Variants in IGSF5 observed in about 807,000 individuals in gnomAD.
The protein encoded by IGSF5 is immunoglobulin superfamily 5 like.
In IGSF5, 41 loss-of-function variants were observed where a neutral mutation model predicts 39.4. The observed-to-expected ratio is 1.04, with a 90% CI of 0.81 to 1.35. The LOEUF (loss-of-function observed/expected upper bound fraction) is 1.35. IGSF5 is among the 40% of genes most tolerant of loss of function. The pLI is 0.00. For synonymous variants in IGSF5, 183 were observed against 175.3 expected (o/e 1.04, Z -0.34); for missense variants, 487 against 494.6 (o/e 0.98, Z 0.15).
intron 5 of IGSF5, among the ~76,000 whole-genome samples, chr21:39,780,705 C>A (rs190124586): frequency 2.0e-5 from 3 of 152,256 alleles, no homozygotes; most frequent in Admixed American, 2.0e-4. Context: ...AAAGCAGTAG[C>A]CTTGCTTGCG....
chr21:39,745,959 A>G (rs424447), intron 1 of IGSF5, among the ~76,000 whole-genome samples: 124,498 of 152,048 alleles, frequency 0.82, 51,141 homozygotes, highest in Admixed American at 0.86. Flanking sequence ...GATGGTGGTG[A>G]GCCACTTCCA....
At chr21:39,738,914 A>G in the IGSF5 span, among the ~76,000 whole-genome samples, 5 of 151,458 alleles carry the variant, frequency 3.3e-5, no homozygotes, top group Non-Finnish European at 2.9e-5. The surrounding 1 kb of genome is among the most constrained non-coding windows in gnomAD (Gnocchi z 6.4). Flanking sequence ...TTGAGACAGG[A>G]TCTCACTCTT....
At chr21:39,775,164 G>A (rs1370524383) in intron 4 of IGSF5, among the ~76,000 whole-genome samples, 1 of 152,128 alleles carries the variant, frequency 6.6e-6, no homozygotes, top group African/African-American at 2.4e-5. Flanking sequence ...CTAAGGCCTA[G>A]CCTTCCCCTC....
intron 6 of IGSF5, among the ~76,000 whole-genome samples, chr21:39,789,487 G>C (rs1030004032): frequency 6.6e-6 from 1 of 152,046 alleles, no homozygotes; most frequent in African/African-American, 2.4e-5. Context: ...AGCTCCAGAG[G>C]GATAATGGGG....
chr21:39,790,385 C>T (rs74384448), intron 6 of IGSF5, among the ~76,000 whole-genome samples: 13,311 of 152,228 alleles, frequency 0.087, 623 homozygotes, highest in South Asian at 0.16. Flanking sequence ...TCTGGCCAGG[C>T]GTGGTGGCTC....
At chr21:39,716,250 C>A in the IGSF5 span, among the ~76,000 whole-genome samples, 1 of 152,192 alleles carries the variant, frequency 6.6e-6, no homozygotes, top group African/African-American at 2.4e-5. Context: ...TAAGTCCCCA[C>A]CCCTTACCAC....
At chr21:39,746,949 A>G (rs1241988849) in intron 2 of IGSF5, among the ~76,000 whole-genome samples, 1 of 152,222 alleles carries the variant, frequency 6.6e-6, no homozygotes, top group African/African-American at 2.4e-5. Flanking sequence ...GGCTGACCCC[A>G]GCATGCCCTA....
intron 2 of IGSF5, among the ~76,000 whole-genome samples, chr21:39,747,108 A>C (rs1175699336): frequency 6.6e-6 from 1 of 152,232 alleles, no homozygotes; most frequent in Non-Finnish European, 1.5e-5. Flanking sequence ...CACGCTGCTG[A>C]AGTCATACCC....
At chr21:39,770,837 AAAAAG>A in intron 3 of IGSF5, 74 bp from the exon 4 acceptor site, 10 of 1,120,142 alleles carry the variant, frequency 8.9e-6, no homozygotes, top group Middle Eastern at 3.3e-4. Flanking sequence ...ACTTAAAAAA[AAAAAG>A]AAAAAAAAAA....
chr21:39,740,400 C>T (rs975977090), upstream of IGSF5, among the ~76,000 whole-genome samples: 4 of 152,242 alleles, frequency 2.6e-5, no homozygotes, highest in African/African-American at 9.6e-5. Flanking sequence ...GGTGTTCCCT[C>T]AGAAGTTAGG....
intron 2 of IGSF5, among the ~76,000 whole-genome samples, chr21:39,759,702 TA>T (rs1214615582): frequency 1.3e-5 from 2 of 151,516 alleles, no homozygotes; most frequent in African/African-American, 4.9e-5. Flanking sequence ...CTATCTCTAC[TA>T]AAAAATACAA....
chr21:39,789,751 T>C (rs2146292977), intron 6 of IGSF5, among the ~76,000 whole-genome samples: 1 of 152,334 alleles, frequency 6.6e-6, no homozygotes, highest in African/African-American at 2.4e-5. Context: ...TAACTAACTA[T>C]GTATGTACCT....
At chr21:39,789,665 AATAAAT>A (rs746785078) in intron 6 of IGSF5, among the ~76,000 whole-genome samples, 43 of 152,228 alleles carry the variant, frequency 2.8e-4, no homozygotes, top group Admixed American at 2.6e-3. Context: ...TTTTAGAAAA[AATAAAT>A]ATAAAGATAG....
chr21:39,770,371 AC>A (rs953094249), intron 3 of IGSF5, among the ~76,000 whole-genome samples: 3 of 152,176 alleles, frequency 2.0e-5, no homozygotes, highest in Non-Finnish European at 4.4e-5. Context: ...GTAATGAGAA[AC>A]CTATGTTAAG....
chr21:39,768,956 A>G (rs2080100171), intron 3 of IGSF5, among the ~76,000 whole-genome samples: 1 of 151,566 alleles, frequency 6.6e-6, no homozygotes, highest in Admixed American at 6.6e-5. Flanking sequence ...GAAGATTCCT[A>G]TTATTGTTGC....
chr21:39,773,668 A>G (rs767362137), intron 4 of IGSF5, among the ~76,000 whole-genome samples: 1 of 152,164 alleles, frequency 6.6e-6, no homozygotes, highest in Non-Finnish European at 1.5e-5. Flanking sequence ...AAGGTGTTCC[A>G]GTCTCACTTT....
intron 4 of IGSF5, among the ~76,000 whole-genome samples, chr21:39,778,325 T>C (rs2080151273): frequency 6.6e-6 from 1 of 152,224 alleles, no homozygotes; most frequent in African/African-American, 2.4e-5. Flanking sequence ...GATGATCATG[T>C]GAAGCCACAA....
chr21:39,739,067 T>C, the IGSF5 span, among the ~76,000 whole-genome samples: 4 of 151,982 alleles, frequency 2.6e-5, no homozygotes, highest in Non-Finnish European at 5.9e-5. Flanking sequence ...TTTTGTATTT[T>C]TTGTGGAGAC....
the IGSF5 span, among the ~76,000 whole-genome samples, chr21:39,731,312 A>G: frequency 1.3e-5 from 2 of 152,182 alleles, no homozygotes; most frequent in African/African-American, 4.8e-5. Context: ...TAAGAGGTCT[A>G]AGTCCCCTCT....
Sources: gnomAD v4.1 joint callset for allele counts (sites outside exome capture counted in the v4.1 genomes callset) on GRCh38, gnomAD v4.1.1 for gene constraint, Gnocchi (gnomAD v3.1) non-coding constraint, MANE v1.5 for transcripts, NCBI Gene and HGNC (gene_info 2026-07-23, HGNC 2026-07-21) for gene names.